NXPE4: variants seen among roughly 807,000 people sequenced by gnomAD.
NXPE4 encodes the protein NXPE family member 4.
A neutral mutation model predicts 33.3 loss-of-function variants in NXPE4; 42 were observed. The ratio of observed to expected loss-of-function variants is 1.26; its 90% confidence interval spans 0.98 to 1.63. The LOEUF (loss-of-function observed/expected upper bound fraction) is 1.63, where lower values mean the gene tolerates loss of function less well. Among genes scored for constraint, NXPE4 ranks in the 40% most tolerant of loss-of-function variants. The pLI is 0.00. For missense variants in NXPE4, 709 were observed against 647.6 expected, an observed-to-expected ratio of 1.09 and a Z score of -1.03; for synonymous variants, 253 against 234.9, an observed-to-expected ratio of 1.08 and a Z score of -0.71.
rs1438207559 is a variant in NXPE4 at position 114,594,730 on chromosome 11, T to A, written c.30A>T (p.Ser10=). 10 of 1,589,592 alleles carry A rather than the reference T, an allele frequency of 6.3e-6. No individual in the cohort carries two copies. Among genetic ancestry groups the A allele is most frequent in the African/African-American group, 1.3e-5 (1 of 74,120 alleles). ...CTAATATAAACAACAGTGCCAATAG[T>A]GACTTATAATTTATCATACTTATTT... The part of the protein sequence containing the change: MKISMINYK[S]LLALLFILAS... Residue 10 remains serine (S), a synonymous_variant, in exon 2 of 6, where the codon TCA becomes TCT. Coordinates refer to ENST00000375478, the MANE Select transcript of NXPE4 (RefSeq NM_001077639.2).
chr11:114,653,089 T>A, the NXPE4 span, among the ~76,000 whole-genome samples: 1 of 152,210 alleles, frequency 6.6e-6, no homozygotes, highest in Non-Finnish European at 1.5e-5. Context: ...ATTGAATGTA[T>A]AAATTTTCAA....
the NXPE4 span, among the ~76,000 whole-genome samples, chr11:114,643,807 G>A: frequency 2.0e-3 from 304 of 152,058 alleles, 1 homozygote; most frequent in African/African-American, 7.1e-3. Context: ...AAGAAAGTCT[G>A]TGGTAGCTTG....
chr11:114,623,973 G>A, the NXPE4 span, among the ~76,000 whole-genome samples: 1 of 152,114 alleles, frequency 6.6e-6, no homozygotes, highest in Admixed American at 6.5e-5. Context: ...TGGATAAGAA[G>A]TATTGCCTCG....
the NXPE4 span, among the ~76,000 whole-genome samples, chr11:114,639,307 T>C: frequency 2.8e-4 from 42 of 152,178 alleles, no homozygotes; most frequent in African/African-American, 9.9e-4. Context: ...CACCGTTCCT[T>C]AAGCCCGTCG....
the NXPE4 span, among the ~76,000 whole-genome samples, chr11:114,666,227 CAG>C: frequency 6.6e-6 from 1 of 152,102 alleles, no homozygotes; most frequent in Admixed American, 6.6e-5. Flanking sequence ...TACCGTATAG[CAG>C]ATTCATTCCT....
the NXPE4 span, among the ~76,000 whole-genome samples, chr11:114,621,574 T>A: frequency 6.6e-6 from 1 of 152,176 alleles, no homozygotes; most frequent in Non-Finnish European, 1.5e-5. Context: ...TAACCACTGT[T>A]ACCTGTTGGA....
chr11:114,605,924 C>T, the NXPE4 span, among the ~76,000 whole-genome samples: 1 of 151,454 alleles, frequency 6.6e-6, no homozygotes, highest in Non-Finnish European at 1.5e-5. Flanking sequence ...AGTGTTGCCT[C>T]ATGGGAAACC....
At chr11:114,591,041 G>C (rs1263288489) in intron 2 of NXPE4, among the ~76,000 whole-genome samples, 1 of 152,176 alleles carries the variant, frequency 6.6e-6, no homozygotes, top group Non-Finnish European at 1.5e-5. Flanking sequence ...TATGAAGCCA[G>C]GGAGGATCTC....
At chr11:114,605,426 G>T in the NXPE4 span, among the ~76,000 whole-genome samples, 2 of 151,514 alleles carry the variant, frequency 1.3e-5, no homozygotes, top group African/African-American at 4.9e-5. Flanking sequence ...GTATTGCCTC[G>T]TGCGTAACCA....
chr11:114,583,942 T>A (rs2135242081), intron 2 of NXPE4: 4 of 392,124 alleles, frequency 1.0e-5, no homozygotes, highest in Non-Finnish European at 2.0e-5. Context: ...TGCTCCTAGA[T>A]GGGATTGATG....
At chr11:114,617,176 GATA>G in the NXPE4 span, among the ~76,000 whole-genome samples, 34 of 151,960 alleles carry the variant, frequency 2.2e-4, no homozygotes, top group African/African-American at 7.0e-4. Flanking sequence ...TTACCCAGTG[GATA>G]ATAAGTGTTG....
the NXPE4 span, among the ~76,000 whole-genome samples, chr11:114,603,155 T>C: frequency 6.6e-6 from 1 of 151,984 alleles, no homozygotes; most frequent in East Asian, 1.9e-4. Context: ...CCTTGTCTCC[T>C]AGGTAACTAC....
the NXPE4 span, among the ~76,000 whole-genome samples, chr11:114,638,999 G>A: frequency 6.6e-6 from 1 of 152,046 alleles, no homozygotes; most frequent in Non-Finnish European, 1.5e-5. Flanking sequence ...CTTCAAAGCT[G>A]TCAGACTGGG....
chr11:114,611,553 G>C, the NXPE4 span, among the ~76,000 whole-genome samples: 14 of 151,882 alleles, frequency 9.2e-5, no homozygotes, highest in African/African-American at 2.2e-4. Context: ...GTTGCCTCTT[G>C]GGTAACCAGT....
upstream of NXPE4, among the ~76,000 whole-genome samples, chr11:114,599,999 C>T (rs762218195): frequency 1.3e-5 from 2 of 151,946 alleles, no homozygotes; most frequent in Non-Finnish European, 2.9e-5. Context: ...AACAGCTGTT[C>T]CTCACAGAAG....
the NXPE4 span, among the ~76,000 whole-genome samples, chr11:114,605,346 G>A: frequency 2.0e-5 from 3 of 151,918 alleles, no homozygotes; most frequent in African/African-American, 7.3e-5. Context: ...TTGCCTCGTG[G>A]GTGACCACTG....
the NXPE4 span, among the ~76,000 whole-genome samples, chr11:114,635,903 C>G: frequency 6.6e-6 from 1 of 152,036 alleles, no homozygotes; most frequent in Admixed American, 6.6e-5. Flanking sequence ...CAATGTTCAT[C>G]AAGGATATTG....
the NXPE4 span, among the ~76,000 whole-genome samples, chr11:114,637,887 G>C: frequency 6.6e-6 from 1 of 151,962 alleles, no homozygotes; most frequent in African/African-American, 2.4e-5. Context: ...CTCTCTGGCT[G>C]CCCTTAACAT....
the NXPE4 span, among the ~76,000 whole-genome samples, chr11:114,604,295 T>C: frequency 1.3e-5 from 2 of 152,040 alleles, no homozygotes; most frequent in African/African-American, 2.4e-5. Flanking sequence ...TGTTGCCTCG[T>C]GGGTAACAAT....
Sources: allele counts gnomAD v4.1 joint callset (sites outside exome capture counted in the v4.1 genomes callset), GRCh38; gene constraint gnomAD v4.1.1; transcripts MANE v1.5; gene names NCBI Gene and HGNC (gene_info 2026-07-23, HGNC 2026-07-21).